Variants in AGBL1 observed in about 807,000 individuals in gnomAD.
The protein encoded by AGBL1 is AGBL carboxypeptidase 1, also known as cytosolic carboxypeptidase 4.
AGBL1 carries 130 observed loss-of-function variants against 118.9 expected under a neutral mutation model. That is an observed-to-expected ratio of 1.09 (90% CI 0.95 to 1.26). AGBL1 has a LOEUF of 1.26. Ranked by LOEUF, AGBL1 falls within the 50% of genes most tolerant of loss-of-function variation. AGBL1 has a pLI of 0.00. For synonymous variants in AGBL1, 555 were observed against 478.9 expected (o/e 1.16, Z -2.08); for missense variants, 1,584 against 1,298.1 (o/e 1.22, Z -3.38).
At chr15:86,281,957 T>C (rs2079362057) in intron 16 of AGBL1, among the ~76,000 whole-genome samples, 1 of 152,148 alleles carries the variant, frequency 6.6e-6, no homozygotes, top group Admixed American at 6.5e-5. Flanking sequence ...AGGGATAATA[T>C]CTCTTTCCAA....
chr15:86,332,660 A>G (rs1207828637), intron 17 of AGBL1, among the ~76,000 whole-genome samples: 4 of 151,790 alleles, frequency 2.6e-5, no homozygotes, highest in Non-Finnish European at 4.4e-5. Flanking sequence ...AAAAAAAAAA[A>G]AAAAGAAATT....
chr15:86,224,962 C>T lies in AGBL1; in HGVS notation c.526+11C>T. 1 of 1,612,404 alleles carries T rather than the reference C, an allele frequency of 6.2e-7. No homozygotes were observed. The highest frequency in any genetic ancestry group is 8.5e-7 in the Non-Finnish European group (1 of 1,179,108). Reference sequence around the variant, plus strand: ...CATTGCTGAAATCCAGTAAGCACCTCTTTTGAAGGGTGGCTATTTCTCTCC... The same window carrying T: ...CATTGCTGAAATCCAGTAAGCACCTTTTTTGAAGGGTGGCTATTTCTCTCC... On this transcript the variant is annotated intron_variant, in intron 6 of 22. Coordinates refer to ENST00000614907, the MANE Select transcript of AGBL1 (RefSeq NM_001386094.1).
chr15:86,561,251 G>T (rs1596266364), intron 21 of AGBL1, among the ~76,000 whole-genome samples: 1 of 152,150 alleles, frequency 6.6e-6, no homozygotes, highest in Non-Finnish European at 1.5e-5. Flanking sequence ...GTCCTGAATG[G>T]TATCACCTAG....
intron 17 of AGBL1, among the ~76,000 whole-genome samples, chr15:86,380,009 A>G (rs1036862512): frequency 1.3e-5 from 2 of 152,228 alleles, no homozygotes; most frequent in African/African-American, 4.8e-5. Flanking sequence ...TGTAAGGCCT[A>G]TCTCTGGCAC....
At position 86,107,346 on chromosome 15, in the gene AGBL1, T is replaced by G. The variant is rs147044987; in HGVS notation, c.51+27323T>G. 9.2e-5 allele frequency among the ~76,000 whole-genome samples: 14 copies of G among 152,356 alleles called. No individual in the cohort carries two copies. The East Asian group carries it at 2.7e-3, about 29-fold the overall frequency. On this transcript the variant is annotated intron_variant, in intron 1 of 22. Transcript: ENST00000614907. ...GCTTTAGCTTTGGAGAGAGCTGAGT[T>G]GCAATCTAGGTTCTACTGCATATAA...
chr15:86,931,016 A>C (rs2080597316), intron 23 of AGBL1, among the ~76,000 whole-genome samples: 1 of 152,144 alleles, frequency 6.6e-6, no homozygotes. Context: ...TCAGATAAGG[A>C]GGAGCTGAGG....
chr15:86,208,639 T>G (rs1179074764), intron 5 of AGBL1, among the ~76,000 whole-genome samples: 1 of 152,218 alleles, frequency 6.6e-6, no homozygotes, highest in African/African-American at 2.4e-5. Flanking sequence ...GACGGTAGTT[T>G]GTATTTCTGT....
intron 3 of AGBL1, among the ~76,000 whole-genome samples, chr15:86,148,806 A>G (rs1271059882): frequency 6.6e-6 from 1 of 152,154 alleles, no homozygotes; most frequent in Non-Finnish European, 1.5e-5. Flanking sequence ...GAGAAGAGCA[A>G]CCCCAAGACA....
At chr15:86,925,145 AGG>A (rs1487095596) in intron 23 of AGBL1, among the ~76,000 whole-genome samples, 2,813 of 30,362 alleles carry the variant, frequency 0.093, 101 homozygotes, top group African/African-American at 0.15. Context: ...GAAGAGGAAG[AGG>A]AGGAGGAGGA....
chr15:86,204,489 C>T (rs1043039507), intron 5 of AGBL1, among the ~76,000 whole-genome samples: 10 of 123,978 alleles, frequency 8.1e-5, no homozygotes, highest in African/African-American at 2.0e-4. Flanking sequence ...CTTCCTTTCC[C>T]TTCCCCTTCC....
intron 20 of AGBL1, among the ~76,000 whole-genome samples, chr15:86,549,868 A>C (rs71408858): frequency 3.1e-5 from 2 of 64,226 alleles, no homozygotes; most frequent in African/African-American, 6.0e-5. Context: ...GGGGAGGGGA[A>C]GGGTGGGGAG....
chr15:86,817,440 A>C (rs1239569292), intron 22 of AGBL1, among the ~76,000 whole-genome samples: 3 of 148,600 alleles, frequency 2.0e-5, no homozygotes, highest in Non-Finnish European at 3.0e-5. Flanking sequence ...AAATAAGGCA[A>C]GTGTGTGTGT....
rs1896319963 is a variant in AGBL1, at chr15:86,095,646, C to CTTTTTTTTTTTTTTTTT, written c.51+15623_51+15624insTTTTTTTTTTTTTTTTT. 1.4e-4 allele frequency among the ~76,000 whole-genome samples: 16 copies of CTTTTTTTTTTTTTTTTT among 116,684 alleles called. 8 individuals carry two copies. Among genetic ancestry groups the CTTTTTTTTTTTTTTTTT allele is most frequent in the Non-Finnish European group, 1.4e-4 (8 of 57,540 alleles). The allele number at this position is 116,684 out of a possible 152,430, so 76.5% of individuals were successfully genotyped here. On this transcript the variant is annotated intron_variant, in intron 1 of 22. Transcript: ENST00000614907. ...TCATAATGTCACATGACCTTGGATA[C>CTTTTTTTTTTTTTTTTT]CTTTTTTTTTTTTTTTTTTTTTTTT... is the stretch of plus-strand genomic sequence containing the variant.
Position 86,319,964 on chromosome 15 carries a change from T to C in AGBL1, c.2374+24556T>C, listed in dbSNP as rs145716841. Among the ~76,000 whole-genome samples, 627 of 151,946 alleles carry C rather than the reference T, an allele frequency of 4.1e-3. 6 individuals are homozygous for C. Among genetic ancestry groups the C allele is most frequent in the African/African-American group, 0.014 (586 of 41,456 alleles). On this transcript the variant is annotated intron_variant, in intron 17 of 22. Coordinates refer to ENST00000614907, the MANE Select transcript of AGBL1 (RefSeq NM_001386094.1). ...TAGAGACAGGGTTTCACCACATTGG[T>C]CAGGCTGGTCTCAAACTCCTGACCT...
intron 22 of AGBL1, among the ~76,000 whole-genome samples, chr15:86,798,790 G>A (rs1271488156): frequency 2.7e-5 from 4 of 150,134 alleles, no homozygotes; most frequent in Non-Finnish European, 4.4e-5. Context: ...AGAGCCTGAA[G>A]AAACCATAGT....
intron 21 of AGBL1, among the ~76,000 whole-genome samples, chr15:86,637,354 G>C (rs1883251839): frequency 1.3e-5 from 2 of 152,070 alleles, no homozygotes; most frequent in South Asian, 4.1e-4. Flanking sequence ...AGGATAACGT[G>C]GATTGTTTCA....
intron 1 of AGBL1, among the ~76,000 whole-genome samples, chr15:86,098,838 T>G (rs1200985926): frequency 6.6e-6 from 1 of 152,148 alleles, no homozygotes; most frequent in African/African-American, 2.4e-5. Context: ...TTTTTTTTAA[T>G]TCTGTGAAAA....
intron 22 of AGBL1, among the ~76,000 whole-genome samples, chr15:86,700,708 G>T (rs1184858696): frequency 1.3e-5 from 2 of 152,064 alleles, no homozygotes; most frequent in Non-Finnish European, 2.9e-5. Context: ...GCTGCCTTGT[G>T]TTTTATTCTG....
chr15:86,324,310 G>C (rs80141449), intron 17 of AGBL1, among the ~76,000 whole-genome samples: 6,801 of 152,268 alleles, frequency 0.045, 288 homozygotes, highest in East Asian at 0.21. Context: ...GGAATGAATG[G>C]AGGAAGTCAG....
Sources: gnomAD v4.1 joint callset for allele counts (sites outside exome capture counted in the v4.1 genomes callset) on GRCh38, gnomAD v4.1.1 for gene constraint, MANE v1.5 for transcripts, NCBI Gene and HGNC (gene_info 2026-07-23, HGNC 2026-07-21) for gene names.